Variants in EPHA2 observed in about 807,000 individuals in gnomAD.
EPHA2 encodes the protein EPH receptor A2, also known as ephrin type-A receptor 2.
A neutral mutation model predicts 104.9 loss-of-function variants in EPHA2; 54 were observed. That is an observed-to-expected ratio of 0.51 (90% confidence interval 0.41 to 0.65). The LOEUF is 0.65. Ranked by LOEUF, EPHA2 falls within the 30% of genes least tolerant of loss-of-function variation. EPHA2 has a pLI of 0.00. For missense variants in EPHA2, 1,117 were observed against 1,369.5 expected, an observed-to-expected ratio of 0.82 and a Z score of 2.91; for synonymous variants, 560 against 559.1, an observed-to-expected ratio of 1.00 and a Z score of -0.02.
At chr1:16,126,485 G>A (rs555354915) in intron 16 of EPHA2, among the ~76,000 whole-genome samples, 1 of 152,226 alleles carries the variant, frequency 6.6e-6, no homozygotes, top group African/African-American at 2.4e-5. Context: ...AGGTGAGTTG[G>A]GGGGACTCCA....
chr1:16,143,165 T>TGGATGGAA (rs1418439606), intron 3 of EPHA2, among the ~76,000 whole-genome samples: 10 of 141,602 alleles, frequency 7.1e-5, no homozygotes, highest in Admixed American at 2.1e-4. Flanking sequence ...GGATGATGGA[T>TGGATGGAA]GGATGGATGG....
At chr1:16,138,254 C>T (rs1372886919) in intron 4 of EPHA2, 21 bp downstream of exon 4, 1 of 1,613,064 alleles carries the variant, frequency 6.2e-7, no homozygotes, top group Non-Finnish European at 8.5e-7. Context: ...TCACGCCACC[C>T]TGACCCACTG....
chr1:16,136,711 GAAA>G (rs759336831), intron 5 of EPHA2, among the ~76,000 whole-genome samples: 2 of 41,530 alleles, frequency 4.8e-5, no homozygotes, highest in South Asian at 6.8e-4. Flanking sequence ...AGAAGAAGAA[GAAA>G]AGAAGAAGAA....
Position 16,135,764 on chromosome 1 carries a change from G to C in EPHA2, c.1319C>G (p.Pro440Arg). ...GCTGCGGCCCTCCAGCCTCACCTTGGGGGGCTCTGGGCAGGACAGGCAGTG... is the reference window on the plus strand; with the variant it reads ...GCTGCGGCCCTCCAGCCTCACCTTGCGGGGCTCTGGGCAGGACAGGCAGTG... The part of the protein sequence containing the change: ...ASVSINQTEP[P>R]KVRLEGRSTT... Residue 440 changes from proline (P) to arginine (R), a missense_variant, in exon 6 of 17, where the codon CCC (proline) becomes CGC (arginine). Physicochemically the swap from Pro to Arg is moderately radical, Grantham distance 103 (BLOSUM62 -2). Around this residue, in one of 3 missense-constraint regions of EPHA2, gnomAD observed 664 missense variants for 784.8 expected, o/e 0.85. Coordinates refer to ENST00000358432, the MANE Select transcript of EPHA2 (RefSeq NM_004431.5). The surrounding 1 kb of genome is among the most constrained non-coding windows in gnomAD (Gnocchi z 4.3). 6.2e-7 allele frequency: 1 copy of C among 1,611,450 alleles called. No homozygotes were observed. The highest frequency in any genetic ancestry group is 8.5e-7 in the Non-Finnish European group (1 of 1,178,762).
chr1:16,129,361 T>TG lies in EPHA2; in HGVS notation c.2825+72dup, dbSNP rs888942722. The TG allele has an allele frequency of 6.8e-4, 973 of 1,431,652 alleles. 3 individuals are homozygous for TG. Among genetic ancestry groups the TG allele is most frequent in the Middle Eastern group, 5.3e-3 (27 of 5,072 alleles). 88.7% of individuals were successfully genotyped at this position (1,431,652 alleles called of 1,614,324 possible). ...AGCATTGAGGGGCAGGGAAGAGGGC[T>TG]GGGGGGGGCATGGAGGCAGCCTCTG... On this transcript the variant is annotated intron_variant, in intron 16 of 16. Coordinates refer to ENST00000358432, the MANE Select transcript of EPHA2 (RefSeq NM_004431.5).
rs770343045 is a variant in EPHA2, at chr1:16,132,420, G to A, written c.2073C>T (p.Ile691=). 2 of 1,614,118 alleles carry A rather than the reference G, an allele frequency of 1.2e-6. No homozygotes were observed. The highest frequency in any genetic ancestry group is 2.2e-5 in the South Asian group (2 of 91,076). The stretch of plus-strand genomic sequence containing the variant: ...GGGCCCCATTCTCCATGTACTCAGT[G>A]ATGATCATCATGGGCTTGTCTGTAG... The part of the protein sequence containing the change: ...VISKYKPMMI[I]TEYMENGALD... Residue 691 remains isoleucine (I), a synonymous_variant, in exon 12 of 17, where the codon ATC becomes ATT. Transcript: ENST00000358432.
Position 16,155,999 on chromosome 1 carries a change from C to A in EPHA2, c.-67G>T. 1.1e-5 allele frequency: 15 copies of A among 1,348,344 alleles called. No individual in the cohort carries two copies. The highest frequency in any genetic ancestry group is 1.4e-5 in the Non-Finnish European group (15 of 1,035,298). The allele number at this position is 1,348,344 out of a possible 1,614,324, so 83.5% of individuals were successfully genotyped here. On this transcript the variant is annotated 5_prime_UTR_variant, in exon 1 of 17. Coordinates refer to ENST00000358432, the MANE Select transcript of EPHA2 (RefSeq NM_004431.5). ...TCCCGCACACCCGCACGCCTGCACG[C>A]CGGCCTCGGTGTCCGCTCCCGCCCG...
At position 16,155,909 on chromosome 1, in the gene EPHA2, G is replaced by A. The variant is rs760174506; in HGVS notation, c.24C>T (p.Ala8=). The A allele has an allele frequency of 9.4e-6, 14 of 1,489,136 alleles. No homozygotes were observed. The South Asian group carries it at 1.4e-4, about 15-fold the overall frequency. 92.2% of individuals were successfully genotyped at this position (1,489,136 alleles called of 1,614,324 possible). The change falls in exon 1 of 17, where the codon GCC becomes GCT. Residue 8 remains alanine, a synonymous_variant. Coordinates refer to ENST00000358432, the MANE Select transcript of EPHA2 (RefSeq NM_004431.5). MELQAAR[A]CFALLWGCAL... is the part of the protein sequence containing the mutation. ...CACAGCCCCACAGCAGGGCGAAGCAGGCGCGGGCTGCCTGGAGCTCCATGC... is the reference window on the plus strand; with the variant it reads ...CACAGCCCCACAGCAGGGCGAAGCAAGCGCGGGCTGCCTGGAGCTCCATGC...
intron 3 of EPHA2, among the ~76,000 whole-genome samples, chr1:16,143,782 A>G (rs2024872920): frequency 6.6e-6 from 1 of 152,156 alleles, no homozygotes; most frequent in Non-Finnish European, 1.5e-5. Context: ...TGGCCCAGGG[A>G]TGTGGAGCTT....
chr1:16,129,519 C>G lies in EPHA2; in HGVS notation c.2740G>C (p.Glu914Gln). The stretch of plus-strand genomic sequence containing the variant: ...GTATACTGCTGCATCTTGATGGACT[C>G]CAGCCACTCGGACACCGTGCGGAAG... ...VPFRTVSEWL[E>Q]SIKMQQYTEH... Residue 914 changes from glutamate to glutamine, a missense_variant, in exon 16 of 17, where the codon GAG becomes CAG. Around this residue, in one of 3 missense-constraint regions of EPHA2, gnomAD observed 340 missense variants for 480.5 expected, o/e 0.71. Transcript: ENST00000358432. The G allele has an allele frequency of 6.2e-7, 1 of 1,613,748 alleles. No homozygotes were observed. The highest frequency in any genetic ancestry group is 1.1e-5 in the South Asian group (1 of 91,072).
rs1006948332 is a variant in EPHA2, at chr1:16,125,074, G to A, written c.*141C>T. The A allele has an allele frequency of 6.2e-5, 49 of 792,024 alleles. No homozygotes were observed. The highest frequency in any genetic ancestry group is 2.4e-4 in the African/African-American group (14 of 58,576). 49.1% of individuals were successfully genotyped at this position (792,024 alleles called of 1,614,324 possible). On this transcript the variant is annotated 3_prime_UTR_variant, in exon 17 of 17. Transcript: ENST00000358432. The surrounding 1 kb of genome is among the most constrained non-coding windows in gnomAD (Gnocchi z 4.9). ...CTCAGTTCAGGCCAGGGTGTCATCC[G>A]AGACCCCTCAGCGGAAGTTGCAGGG...
In EPHA2 at chr1:16,148,997, G is replaced by A. The variant is rs780533835; in HGVS notation, c.204C>T (p.Ser68=). ...IMNDMPIYMY[S]VCNVMSGDQD... ...GGTCGCCAGACATCACGTTGCACACGGAGTACATGTAGATCGGCATGTCAT... is the reference window on the plus strand; with the variant it reads ...GGTCGCCAGACATCACGTTGCACACAGAGTACATGTAGATCGGCATGTCAT... The change falls in exon 3 of 17, where the codon TCC becomes TCT. Residue 68 remains serine (S), a synonymous_variant. Coordinates refer to ENST00000358432, the MANE Select transcript of EPHA2 (RefSeq NM_004431.5). This position sits in a 1 kb window ranked among gnomAD's most constrained non-coding sequence, Gnocchi z 4.9. The A allele has an allele frequency of 5.6e-6, 9 of 1,613,978 alleles. No homozygotes were observed. In the South Asian group the frequency reaches 6.6e-5, roughly 12 times the overall value.
intron 3 of EPHA2, among the ~76,000 whole-genome samples, chr1:16,138,832 G>A (rs2024770455): frequency 6.6e-6 from 1 of 152,094 alleles, no homozygotes. Context: ...TAGCCTGTCC[G>A]GTCCCCACCT....
rs2024577960 is a variant in EPHA2 at position 16,131,982 on chromosome 1, A to G, written c.2325+82T>C. ...CTCCTACAGGTGTTCTGCCTCCTGA[A>G]GCACTGCCCAGGTGTGCAGGTGAGA... On this transcript the variant is annotated intron_variant, in intron 13 of 16. Transcript: ENST00000358432. The surrounding 1 kb of genome is among the most constrained non-coding windows in gnomAD (Gnocchi z 5.2). 1 of 1,609,794 alleles carries G rather than the reference A, an allele frequency of 6.2e-7. No individual in the cohort carries two copies. The highest frequency in any genetic ancestry group is 8.5e-7 in the Non-Finnish European group (1 of 1,177,584).
Position 16,148,759 on chromosome 1 carries a change from C to T in EPHA2, c.442G>A (p.Asp148Asn), listed in dbSNP as rs754447639. 6.8e-6 allele frequency: 11 copies of T among 1,613,946 alleles called. No individual in the cohort carries two copies. The highest frequency in any genetic ancestry group is 4.0e-5 in the African/African-American group (3 of 74,946). ...LFTKIDTIAP[D>N]EITVSSDFEA... is the part of the protein sequence containing the mutation. ...AAGTCGCTGCTGACGGTGATCTCAT[C>T]GGGCGCAATGGTGTCAATCTTGGTG... Residue 148 changes from aspartate (D) to asparagine (N), a missense_variant, in exon 3 of 17, where the codon GAT becomes AAT. Coordinates refer to ENST00000358432, the MANE Select transcript of EPHA2 (RefSeq NM_004431.5). This position sits in a 1 kb window ranked among gnomAD's most constrained non-coding sequence, Gnocchi z 4.9.
rs1277202805 is a variant in EPHA2, at chr1:16,138,507, T to C, written c.824-77A>G. ...CACCCCACGTGACTGTCTCATTCCC[T>C]CACCAGGGACCCCTGCCCTGCAAGC... On this transcript the variant is annotated intron_variant, in intron 3 of 16. Coordinates refer to ENST00000358432, the MANE Select transcript of EPHA2 (RefSeq NM_004431.5). 5.7e-5 allele frequency: 92 copies of C among 1,601,994 alleles called. 1 individual carries two copies. The East Asian group carries it at 2.0e-3, about 35-fold the overall frequency.
Position 16,135,130 on chromosome 1 carries a change from G to A in EPHA2, c.1488C>T (p.Asp496=), listed in dbSNP as rs1260820860. ...CCAGGTAGGTGGTGTCTGGGGCCAG[G>A]TCGTCCAGGGTCACGGAGAAACCCT... ...RTEGFSVTLD[D]LAPDTTYLVQ... Residue 496 remains aspartate (D), a synonymous_variant, in exon 7 of 17, where the codon GAC becomes GAT. Coordinates refer to ENST00000358432, the MANE Select transcript of EPHA2 (RefSeq NM_004431.5). The surrounding 1 kb of genome is among the most constrained non-coding windows in gnomAD (Gnocchi z 4.3). The A allele has an allele frequency of 1.2e-6, 2 of 1,614,062 alleles. No individual in the cohort carries two copies. Among genetic ancestry groups the A allele is most frequent in the East Asian group, 4.5e-5 (2 of 44,890 alleles).
At chr1:16,139,311 G>A (rs996773553) in intron 3 of EPHA2, among the ~76,000 whole-genome samples, 3 of 152,212 alleles carry the variant, frequency 2.0e-5, no homozygotes, top group African/African-American at 7.2e-5. Flanking sequence ...AGCTGCTGAA[G>A]TGGCCAGGGT....
intron 3 of EPHA2, among the ~76,000 whole-genome samples, chr1:16,143,217 T>C (rs1017094494): frequency 6.8e-6 from 1 of 147,448 alleles, no homozygotes; most frequent in Non-Finnish European, 1.5e-5. Flanking sequence ...TAGGGGTGGA[T>C]GGGTGGAGGG....
Sources: allele counts gnomAD v4.1 joint callset (sites outside exome capture counted in the v4.1 genomes callset), GRCh38; gene constraint gnomAD v4.1.1; regional missense constraint gnomAD v4.1.1; non-coding constraint Gnocchi (gnomAD v3.1); transcripts MANE v1.5; gene names NCBI Gene and HGNC (gene_info 2026-07-23, HGNC 2026-07-21).